DEPTOR: variants seen among roughly 807,000 people sequenced by gnomAD.
The protein encoded by DEPTOR is DEP domain containing MTOR interacting protein, also known as DEP domain-containing mTOR-interacting protein.
A neutral mutation model predicts 41.6 loss-of-function variants in DEPTOR; 41 were observed. The observed-to-expected ratio is 0.98, with a 90% CI of 0.77 to 1.28. The LOEUF (loss-of-function observed/expected upper bound fraction) is 1.28, where lower values mean the gene tolerates loss of function less well. DEPTOR is among the 50% of genes most tolerant of loss of function. DEPTOR has a pLI of 0.00. For missense variants in DEPTOR, 514 were observed against 527.9 expected, an observed-to-expected ratio of 0.97 and a Z score of 0.26; for synonymous variants, 195 against 192.3, an observed-to-expected ratio of 1.01 and a Z score of -0.12.
chr8:119,921,311 A>G (rs1012788128), intron 1 of DEPTOR, among the ~76,000 whole-genome samples: 1 of 152,164 alleles, frequency 6.6e-6, no homozygotes, highest in Admixed American at 6.5e-5. Context: ...GTCCTTATAC[A>G]TTCATTTGTT....
At chr8:119,878,114 A>G (rs140262466) in intron 1 of DEPTOR, among the ~76,000 whole-genome samples, 2,831 of 152,086 alleles carry the variant, frequency 0.019, 88 homozygotes, top group African/African-American at 0.063. Context: ...TTTTTCTTGA[A>G]GCACAAGAAT....
chr8:119,976,983 G>A (rs1586641160), intron 4 of DEPTOR, among the ~76,000 whole-genome samples: 1 of 152,214 alleles, frequency 6.6e-6, no homozygotes, highest in African/African-American at 2.4e-5. Context: ...ACTTGATACT[G>A]TTATCTCTCT....
intron 1 of DEPTOR, among the ~76,000 whole-genome samples, chr8:119,900,371 AC>A (rs1171240016): frequency 1.7e-5 from 1 of 59,638 alleles, no homozygotes; most frequent in Non-Finnish European, 3.0e-5. Flanking sequence ...TCTATTACAC[AC>A]CCCTCACCTT....
intron 8 of DEPTOR, among the ~76,000 whole-genome samples, chr8:120,032,211 C>CTTTT (rs60003356): frequency 2.1e-3 from 251 of 120,824 alleles, no homozygotes; most frequent in Non-Finnish European, 2.8e-3. Flanking sequence ...CACTAACTTT[C>CTTTT]TTTTTTTTTT....
chr8:119,908,136 C>A (rs989901213), intron 1 of DEPTOR, among the ~76,000 whole-genome samples: 5 of 152,252 alleles, frequency 3.3e-5, no homozygotes, highest in Admixed American at 2.6e-4. Context: ...GACTCTTGAA[C>A]AATGAGATTT....
chr8:119,895,080 T>C (rs1827500857), intron 1 of DEPTOR, among the ~76,000 whole-genome samples: 1 of 152,192 alleles, frequency 6.6e-6, no homozygotes, highest in Non-Finnish European at 1.5e-5. Flanking sequence ...TCCCATTTGA[T>C]AATCTTCCTG....
intron 1 of DEPTOR, among the ~76,000 whole-genome samples, chr8:119,880,325 TAGCA>T (rs1407754471): frequency 6.6e-6 from 1 of 152,140 alleles, no homozygotes; most frequent in Non-Finnish European, 1.5e-5. Context: ...TTAATCTTTA[TAGCA>T]ACTCTATGTA....
At position 120,001,590 on chromosome 8, in the gene DEPTOR, A is replaced by T; in HGVS notation, c.670A>T (p.Arg224Trp). The change falls in exon 5 of 9, where the codon AGG (arginine) becomes TGG (tryptophan). Residue 224 changes from arginine to tryptophan, a missense_variant. Arg to Trp is a moderately radical substitution (Grantham distance 101, BLOSUM62 -3). Transcript: ENST00000286234. ...LYQFRMNFRRRRRLMELLNEK... is the reference protein window; with the variant it reads ...LYQFRMNFRRWRRLMELLNEK... The stretch of plus-strand genomic sequence containing the variant: ...CCAGTTCAGAATGAACTTCCGGCGG[A>T]GGCGAAGACTGATGGAGCTGCTCAA... 1 of 1,613,602 alleles carries T rather than the reference A, an allele frequency of 6.2e-7. No homozygotes were observed. Among genetic ancestry groups the T allele is most frequent in the Non-Finnish European group, 8.5e-7 (1 of 1,179,872 alleles).
At chr8:120,011,857 G>A (rs943209997) in intron 8 of DEPTOR, among the ~76,000 whole-genome samples, 4 of 152,070 alleles carry the variant, frequency 2.6e-5, no homozygotes, top group African/African-American at 9.7e-5. Context: ...TTCTTCAGAG[G>A]TACACAGTGG....
intron 1 of DEPTOR, among the ~76,000 whole-genome samples, chr8:119,891,557 C>A (rs1249060609): frequency 1.3e-5 from 2 of 151,864 alleles, no homozygotes; most frequent in Non-Finnish European, 2.9e-5. Context: ...CTGGTGTAAA[C>A]CTCCTCACCG....
At chr8:120,036,524 T>C (rs1232380415) in intron 8 of DEPTOR, among the ~76,000 whole-genome samples, 2 of 152,208 alleles carry the variant, frequency 1.3e-5, no homozygotes, top group Admixed American at 6.5e-5. Context: ...GGGCTGAACA[T>C]ACAGCTGCAA....
At chr8:120,000,512 G>C (rs1812330563) in intron 4 of DEPTOR, among the ~76,000 whole-genome samples, 1 of 152,010 alleles carries the variant, frequency 6.6e-6, no homozygotes, top group Admixed American at 6.6e-5. Flanking sequence ...GCCCAGGCTG[G>C]AGTGCAGTGG....
chr8:119,976,132 G>A (rs1306096377), intron 4 of DEPTOR, among the ~76,000 whole-genome samples: 1 of 151,868 alleles, frequency 6.6e-6, no homozygotes, highest in Non-Finnish European at 1.5e-5. Flanking sequence ...AAAATGCTGG[G>A]ATTGCAGGCA....
chr8:119,900,398 TTTTTTTG>T, intron 1 of DEPTOR, among the ~76,000 whole-genome samples: 1 of 127,154 alleles, frequency 7.9e-6, no homozygotes, highest in African/African-American at 3.1e-5. Flanking sequence ...TTTTTTTTTT[TTTTTTTG>T]GGAGACAGGG....
chr8:120,023,615 A>G (rs1586662357), intron 8 of DEPTOR, among the ~76,000 whole-genome samples: 1 of 152,166 alleles, frequency 6.6e-6, no homozygotes, highest in East Asian at 1.9e-4. Context: ...TTACCTAGAT[A>G]AGATTCTATA....
intron 3 of DEPTOR, among the ~76,000 whole-genome samples, chr8:119,958,680 G>A (rs1009464254): frequency 3.5e-4 from 53 of 152,226 alleles, no homozygotes; most frequent in African/African-American, 1.3e-3. Context: ...TGCTCAGGAG[G>A]CTGAGGCAGG....
intron 3 of DEPTOR, among the ~76,000 whole-genome samples, chr8:119,959,158 CTTT>C (rs60202859): frequency 1.1e-3 from 132 of 114,848 alleles, no homozygotes; most frequent in African/African-American, 3.9e-3. Context: ...TTCTTTCTTT[CTTT>C]TTTTTTTTTT....
chr8:119,903,916 T>C (rs1022445013), intron 1 of DEPTOR, among the ~76,000 whole-genome samples: 2 of 152,088 alleles, frequency 1.3e-5, no homozygotes, highest in African/African-American at 2.4e-5. Flanking sequence ...CAGCCCTCAC[T>C]GGTAAATTTA....
intron 1 of DEPTOR, among the ~76,000 whole-genome samples, chr8:119,921,045 C>G (rs1326711025): frequency 6.6e-6 from 1 of 151,348 alleles, no homozygotes. Context: ...GGTACAATCT[C>G]AGCTCACTGC....
Sources: gnomAD v4.1 joint callset for allele counts (sites outside exome capture counted in the v4.1 genomes callset) on GRCh38, gnomAD v4.1.1 for gene constraint, MANE v1.5 for transcripts, NCBI Gene and HGNC (gene_info 2026-07-23, HGNC 2026-07-21) for gene names.